KATNIP: variants seen among roughly 807,000 people sequenced by gnomAD.
KATNIP encodes the protein katanin interacting protein, also known as katanin-interacting protein.
In KATNIP, 126 loss-of-function variants were observed where a neutral mutation model predicts 174.0. That is an observed-to-expected ratio of 0.72 (90% CI 0.63 to 0.84). The LOEUF (loss-of-function observed/expected upper bound fraction) is 0.84. KATNIP is among the 40% of genes least tolerant of loss of function. KATNIP has a pLI of 0.00. For missense variants in KATNIP, 1,958 were observed against 2,109.7 expected, an observed-to-expected ratio of 0.93 and a Z score of 1.41; for synonymous variants, 810 against 835.7, an observed-to-expected ratio of 0.97 and a Z score of 0.53.
chr16:27,621,513 A>G (rs1203728889), intron 3 of KATNIP, among the ~76,000 whole-genome samples: 5 of 152,140 alleles, frequency 3.3e-5, no homozygotes, highest in Admixed American at 6.5e-5. Context: ...TGCTTCCAGC[A>G]AAAGTGCTGA....
chr16:27,633,552 A>T (rs1232549230), intron 5 of KATNIP, among the ~76,000 whole-genome samples: 3 of 151,712 alleles, frequency 2.0e-5, no homozygotes, highest in Admixed American at 6.6e-5. Flanking sequence ...TCGGCCTCCC[A>T]AAGTGCTGAG....
intron 20 of KATNIP, among the ~76,000 whole-genome samples, chr16:27,769,080 T>G (rs2082213776): frequency 1.3e-5 from 2 of 152,264 alleles, no homozygotes; most frequent in South Asian, 4.1e-4. Context: ...CCTGGCCATC[T>G]GGCTGGAGAA....
At chr16:27,715,568 A>C (rs1327297775) in intron 13 of KATNIP, among the ~76,000 whole-genome samples, 2 of 152,222 alleles carry the variant, frequency 1.3e-5, no homozygotes, top group South Asian at 4.1e-4. Context: ...TATTCAGAAT[A>C]TACAAAGAAA....
intron 1 of KATNIP, among the ~76,000 whole-genome samples, chr16:27,570,370 C>G (rs995053347): frequency 2.0e-4 from 30 of 151,906 alleles, no homozygotes; most frequent in African/African-American, 6.5e-4. Context: ...TCGAGACCAG[C>G]CTAGCCAACA....
chr16:27,628,060 T>G (rs963619132), intron 3 of KATNIP, among the ~76,000 whole-genome samples: 2 of 152,202 alleles, frequency 1.3e-5, no homozygotes, highest in African/African-American at 4.8e-5. Context: ...ACGCCTGCAT[T>G]GATATATTTT....
At chr16:27,680,464 G>A (rs950847281) in intron 7 of KATNIP, among the ~76,000 whole-genome samples, 2 of 152,188 alleles carry the variant, frequency 1.3e-5, no homozygotes, top group East Asian at 1.9e-4. Flanking sequence ...AGCACAGTTC[G>A]AGTGATACTG....
intron 5 of KATNIP, chr16:27,632,748 C>CTT: frequency 1.3e-5 from 5 of 378,174 alleles, no homozygotes; most frequent in Non-Finnish European, 1.6e-5. Flanking sequence ...TGATTTCTTT[C>CTT]TTTTTTTTTT....
intron 2 of KATNIP, among the ~76,000 whole-genome samples, chr16:27,601,503 G>A (rs867129441): frequency 3.3e-5 from 5 of 152,064 alleles, no homozygotes; most frequent in South Asian, 4.2e-4. Context: ...GGAGTGGGGC[G>A]GGTGCTCTCG....
intron 1 of KATNIP, among the ~76,000 whole-genome samples, chr16:27,556,550 T>G (rs1200797478): frequency 6.6e-6 from 1 of 152,210 alleles, no homozygotes; most frequent in African/African-American, 2.4e-5. Flanking sequence ...ACATTTCCCT[T>G]GTTTATACTG....
chr16:27,699,889 T>C (rs1344185060), intron 10 of KATNIP, among the ~76,000 whole-genome samples: 1 of 152,080 alleles, frequency 6.6e-6, no homozygotes, highest in Non-Finnish European at 1.5e-5. Flanking sequence ...TAATTATTTC[T>C]ATTTATTTAT....
intron 2 of KATNIP, among the ~76,000 whole-genome samples, chr16:27,609,507 C>T (rs1274096151): frequency 6.9e-6 from 1 of 145,108 alleles, no homozygotes; most frequent in Non-Finnish European, 1.5e-5. Flanking sequence ...TCTTCTGTCT[C>T]AGCCTCCCAA....
At chr16:27,612,858 T>G (rs1293931638) in intron 2 of KATNIP, among the ~76,000 whole-genome samples, 1 of 152,122 alleles carries the variant, frequency 6.6e-6, no homozygotes, top group Non-Finnish European at 1.5e-5. Context: ...GCCTGTAGTT[T>G]CAGCTACTCA....
chr16:27,658,855 C>T (rs1472501522), intron 6 of KATNIP, among the ~76,000 whole-genome samples: 3 of 152,174 alleles, frequency 2.0e-5, no homozygotes, highest in South Asian at 2.1e-4. Flanking sequence ...CTCTGCCTTC[C>T]GGGTTCAAGC....
chr16:27,740,739 G>A lies in KATNIP; in HGVS notation c.2442G>A (p.Trp814Ter), dbSNP rs377370574. The A allele has an allele frequency of 3.1e-6, 5 of 1,614,072 alleles. No individual in the cohort carries two copies. Among genetic ancestry groups the A allele is most frequent in the Non-Finnish European group, 4.2e-6 (5 of 1,180,040 alleles). ...AAGGCCTACGGCATGAGCCAGGGTGGGGGACCAGCCGGAGTGTCAACACCA... is the reference window on the plus strand; with the variant it reads ...AAGGCCTACGGCATGAGCCAGGGTGAGGGACCAGCCGGAGTGTCAACACCA... The part of the protein sequence containing the change: ...RDKGLRHEPG[W>*]GTSRSVNTKE... The change falls in exon 15 of 28, where the codon TGG becomes TGA. Residue 814 changes from tryptophan (W) to a stop codon, truncating the protein, a stop_gained. Transcript: ENST00000261588. LOFTEE classifies it high-confidence loss of function.
Position 27,774,952 on chromosome 16 carries a change from G to A in KATNIP, c.4317G>A (p.Ala1439=), listed in dbSNP as rs374775324. ...ACTTAGACGTCTCCTCAGATATTGC[G>A]GCCTTCCCCGACAGCGTGAACTCCC... ...EKIPLSENNI[A]AFPDSVNSLE... is the part of the protein sequence containing the mutation. Residue 1439 remains alanine (A), a synonymous_variant, in exon 24 of 28, where the codon GCG becomes GCA. Coordinates refer to ENST00000261588, the MANE Select transcript of KATNIP (RefSeq NM_015202.5). The A allele has an allele frequency of 3.5e-5, 56 of 1,613,852 alleles. No individual in the cohort carries two copies. The highest frequency in any genetic ancestry group is 3.0e-4 in the South Asian group (27 of 91,070).
chr16:27,575,100 A>G (rs2090451603), intron 2 of KATNIP, among the ~76,000 whole-genome samples: 1 of 152,206 alleles, frequency 6.6e-6, no homozygotes, highest in African/African-American at 2.4e-5. Context: ...GCTACAGTAC[A>G]ATAGTTACAA....
chr16:27,585,226 T>C (rs1240389355), intron 2 of KATNIP, among the ~76,000 whole-genome samples: 17 of 152,088 alleles, frequency 1.1e-4, no homozygotes, highest in Admixed American at 3.3e-4. Flanking sequence ...AAAACTACAA[T>C]GAGATATCAT....
At chr16:27,571,847 CCTT>C (rs2090309976) in intron 1 of KATNIP, among the ~76,000 whole-genome samples, 1 of 152,234 alleles carries the variant, frequency 6.6e-6, no homozygotes, top group Non-Finnish European at 1.5e-5. Context: ...CACTCGGAAT[CCTT>C]AGACTGACAG....
At chr16:27,658,104 A>G (rs542822255) in intron 6 of KATNIP, among the ~76,000 whole-genome samples, 16 of 152,226 alleles carry the variant, frequency 1.1e-4, no homozygotes, top group Non-Finnish European at 2.4e-4. Flanking sequence ...TAAAAATTAA[A>G]TAAAAACACA....
Sources: allele counts gnomAD v4.1 joint callset (sites outside exome capture counted in the v4.1 genomes callset), GRCh38; gene constraint gnomAD v4.1.1; transcripts MANE v1.5; gene names NCBI Gene and HGNC (gene_info 2026-07-23, HGNC 2026-07-21).